GOLGA1: variants seen among roughly 807,000 people sequenced by gnomAD.
The protein encoded by GOLGA1 is golgin subfamily A member 1.
Under a neutral mutation model 119.7 loss-of-function variants are expected in GOLGA1, and 63 were observed. The observed-to-expected ratio is 0.53, with a 90% CI of 0.43 to 0.65. The LOEUF (loss-of-function observed/expected upper bound fraction) is 0.65, where lower values mean the gene tolerates loss of function less well. GOLGA1 is among the 30% of genes least tolerant of loss of function. The probability of loss-of-function intolerance (pLI) is 0.00; values close to 1 mark genes in which losing one functional copy is unlikely to be tolerated. For missense variants in GOLGA1, 798 were observed against 912.8 expected, an observed-to-expected ratio of 0.87 and a Z score of 1.62; for synonymous variants, 318 against 333.4, an observed-to-expected ratio of 0.95 and a Z score of 0.50.
chr9:124,933,587 G>A (rs1288146899), intron 3 of GOLGA1, among the ~76,000 whole-genome samples: 1 of 152,062 alleles, frequency 6.6e-6, no homozygotes, highest in East Asian at 1.9e-4. Flanking sequence ...GCTAATATTT[G>A]TATTTTTAGT....
intron 10 of GOLGA1, among the ~76,000 whole-genome samples, chr9:124,914,254 T>C (rs1001198566): frequency 8.5e-5 from 13 of 152,138 alleles, no homozygotes; most frequent in Admixed American, 3.9e-4. Flanking sequence ...TCCCAGCACT[T>C]TGGGAAGCTG....
At chr9:124,917,444 T>C (rs1434217345) in intron 10 of GOLGA1, among the ~76,000 whole-genome samples, 1 of 152,154 alleles carries the variant, frequency 6.6e-6, no homozygotes. Context: ...AAATCACCCA[T>C]AAAAATACAG....
At chr9:124,933,833 T>C (rs2131529673) in intron 3 of GOLGA1, among the ~76,000 whole-genome samples, 1 of 152,174 alleles carries the variant, frequency 6.6e-6, no homozygotes, top group South Asian at 2.1e-4. Context: ...ACATGTGTTG[T>C]CACAACTCAT....
At chr9:124,939,812 T>C (rs919040890) in intron 2 of GOLGA1, among the ~76,000 whole-genome samples, 40 of 152,198 alleles carry the variant, frequency 2.6e-4, no homozygotes, top group Admixed American at 8.5e-4. Flanking sequence ...TCCACCTGCA[T>C]TGGCCTCCCA....
At chr9:124,892,944 A>G (rs1829889222) in intron 15 of GOLGA1, among the ~76,000 whole-genome samples, 3 of 152,094 alleles carry the variant, frequency 2.0e-5, no homozygotes, top group South Asian at 2.1e-4. Context: ...AAAAAAAAAA[A>G]AAAGAAAGTG....
At chr9:124,935,422 G>T (rs1464409914) in intron 3 of GOLGA1, among the ~76,000 whole-genome samples, 2 of 152,156 alleles carry the variant, frequency 1.3e-5, no homozygotes, top group African/African-American at 4.8e-5. Context: ...TAAGATTTTG[G>T]AGTATTTCAG....
intron 10 of GOLGA1, among the ~76,000 whole-genome samples, chr9:124,915,842 G>A (rs1283212585): frequency 2.7e-4 from 41 of 151,558 alleles, no homozygotes; most frequent in Admixed American, 2.3e-3. Flanking sequence ...GGTGGCTCAC[G>A]TGTGTAATCC....
intron 2 of GOLGA1, among the ~76,000 whole-genome samples, chr9:124,939,867 GTTTCT>G (rs762891601): frequency 2.0e-5 from 3 of 152,012 alleles, no homozygotes; most frequent in Admixed American, 6.6e-5. Context: ...CGGCCTCACA[GTTTCT>G]TTTCTTAAGA....
At chr9:124,889,610 C>T in intron 16 of GOLGA1, 74 bp from the exon 17 acceptor site, 3 of 991,020 alleles carry the variant, frequency 3.0e-6, no homozygotes, top group East Asian at 2.4e-5. Context: ...CTCCACTTCC[C>T]CGCTCTCCAG....
Position 124,881,735 on chromosome 9 carries a change from C to T in GOLGA1, c.2136+49G>A. On this transcript the variant is annotated intron_variant, in intron 21 of 22. Transcript: ENST00000373555. The surrounding 1 kb of genome is among the most constrained non-coding windows in gnomAD (Gnocchi z 4.9). The stretch of plus-strand genomic sequence containing the variant: ...TGGGCAGGGGTCCCTGCAGGACAGA[C>T]TGTAGGGCGGGGCCTCAATACCCAA... The T allele has an allele frequency of 7.5e-7, 1 of 1,327,934 alleles. No individual in the cohort carries two copies. Among genetic ancestry groups the T allele is most frequent in the Non-Finnish European group, 1.1e-6 (1 of 941,304 alleles). 82.3% of individuals were successfully genotyped at this position (1,327,934 alleles called of 1,614,324 possible). A position where few individuals can be genotyped will look rare whatever the true frequency, so the allele number is the denominator to read the frequency against.
chr9:124,895,618 C>T (rs930205642), intron 15 of GOLGA1, among the ~76,000 whole-genome samples: 20 of 145,944 alleles, frequency 1.4e-4, no homozygotes, highest in African/African-American at 4.3e-4. Flanking sequence ...AGAGCCTCCA[C>T]GACAGGGAGC....
chr9:124,930,688 TGAA>T (rs1339372537), intron 4 of GOLGA1, among the ~76,000 whole-genome samples: 3 of 152,228 alleles, frequency 2.0e-5, no homozygotes, highest in Admixed American at 1.3e-4. Context: ...CTTTACAGGA[TGAA>T]GCTTTCCAAA....
chr9:124,911,846 C>T, intron 11 of GOLGA1, 55 bp downstream of exon 11: 1 of 1,529,398 alleles, frequency 6.5e-7, no homozygotes. Flanking sequence ...TGTGAAGTCA[C>T]CAGAATCAAC....
At chr9:124,891,337 C>A (rs1327847360) in intron 15 of GOLGA1, among the ~76,000 whole-genome samples, 1 of 152,220 alleles carries the variant, frequency 6.6e-6, no homozygotes, top group African/African-American at 2.4e-5. Context: ...CCAGGATGGG[C>A]TTAGGGAACA....
At chr9:124,883,819 C>A (rs1238181283) in intron 19 of GOLGA1, among the ~76,000 whole-genome samples, 1 of 151,242 alleles carries the variant, frequency 6.6e-6, no homozygotes, top group East Asian at 2.0e-4. Context: ...AACTCCTGGG[C>A]TCAAGCAATT....
intron 11 of GOLGA1, among the ~76,000 whole-genome samples, chr9:124,909,967 C>T (rs1176431914): frequency 2.0e-5 from 3 of 151,998 alleles, no homozygotes; most frequent in East Asian, 1.9e-4. Context: ...GACAGAGTCT[C>T]GCTCTGTCAC....
intron 10 of GOLGA1, among the ~76,000 whole-genome samples, chr9:124,916,916 A>G (rs559655200): frequency 3.8e-4 from 58 of 150,672 alleles, no homozygotes; most frequent in Middle Eastern, 3.4e-3. Context: ...AAACAAAAAA[A>G]AAACCCACCA....
intron 13 of GOLGA1, 71 bp downstream of exon 13, chr9:124,900,381 T>A: frequency 2.4e-6 from 2 of 822,062 alleles, no homozygotes; most frequent in Non-Finnish European, 4.3e-6. Context: ...GGAATGAGTT[T>A]GGAGCATCTG....
intron 10 of GOLGA1, among the ~76,000 whole-genome samples, chr9:124,920,811 A>G (rs545560744): frequency 2.7e-5 from 4 of 150,732 alleles, no homozygotes; most frequent in Non-Finnish European, 5.9e-5. Flanking sequence ...GCGGGCGCCT[A>G]TAATACCTGG....
Sources: gnomAD v4.1 joint callset for allele counts (sites outside exome capture counted in the v4.1 genomes callset) on GRCh38, gnomAD v4.1.1 for gene constraint, Gnocchi (gnomAD v3.1) non-coding constraint, MANE v1.5 for transcripts, NCBI Gene and HGNC (gene_info 2026-07-23, HGNC 2026-07-21) for gene names.